The following MAML2 variants were observed in gnomAD, a reference collection of about 807,000 sequenced individuals.
MAML2 encodes mastermind like transcriptional coactivator 2.
Under a neutral mutation model 96.1 loss-of-function variants are expected in MAML2, and 22 were observed. That is an observed-to-expected ratio of 0.23 (90% CI 0.16 to 0.33). The LOEUF (loss-of-function observed/expected upper bound fraction) is 0.33, where lower values mean the gene tolerates loss of function less well. Among genes scored for constraint, MAML2 ranks in the 10% least tolerant of loss-of-function variants. The pLI is 1.00. For missense variants in MAML2, 1,367 were observed against 1,392.4 expected (o/e 0.98, Z 0.29); for synonymous variants, 561 against 521.3 (o/e 1.08, Z -1.04).
At chr11:96,284,277 T>C (rs773199074) in intron 1 of MAML2, among the ~76,000 whole-genome samples, 6 of 152,228 alleles carry the variant, frequency 3.9e-5, no homozygotes, top group Non-Finnish European at 5.9e-5. Flanking sequence ...TTCCTGAATA[T>C]GAATCCTCTC....
chr11:96,096,113 G>C (rs1859822806), intron 1 of MAML2, among the ~76,000 whole-genome samples: 1 of 152,184 alleles, frequency 6.6e-6, no homozygotes, highest in Admixed American at 6.5e-5. Context: ...AACTAGGAAA[G>C]AACAAACAAA....
chr11:96,032,220 T>C (rs905712003), intron 2 of MAML2, among the ~76,000 whole-genome samples: 4 of 152,020 alleles, frequency 2.6e-5, no homozygotes, highest in Non-Finnish European at 5.9e-5. Context: ...GTTGGCAGAT[T>C]CTTATAAAGT....
chr11:96,260,197 TG>T (rs991684593), intron 1 of MAML2, among the ~76,000 whole-genome samples: 4 of 145,270 alleles, frequency 2.8e-5, no homozygotes, highest in Non-Finnish European at 6.1e-5. Context: ...GGGGATGGGG[TG>T]GGGGGAAGCA....
intron 1 of MAML2, among the ~76,000 whole-genome samples, chr11:96,160,625 GC>G (rs1462616301): frequency 6.6e-6 from 1 of 151,936 alleles, no homozygotes; most frequent in Non-Finnish European, 1.5e-5. Flanking sequence ...ATGGGGTTTT[GC>G]CATATTGGCC....
intron 1 of MAML2, among the ~76,000 whole-genome samples, chr11:96,183,222 G>A (rs1433363429): frequency 2.6e-5 from 4 of 152,106 alleles, no homozygotes; most frequent in African/African-American, 7.2e-5. Context: ...GCCTCCCAAC[G>A]CGCTGGGATT....
chr11:96,048,518 C>T (rs187543357), intron 2 of MAML2, among the ~76,000 whole-genome samples: 3 of 152,146 alleles, frequency 2.0e-5, no homozygotes, highest in Non-Finnish European at 4.4e-5. Flanking sequence ...ATTTTTAACA[C>T]ATATAGGTAA....
chr11:96,003,560 C>A (rs544577008), intron 2 of MAML2, among the ~76,000 whole-genome samples: 1 of 152,040 alleles, frequency 6.6e-6, no homozygotes, highest in Non-Finnish European at 1.5e-5. Flanking sequence ...AGTGAGTAGA[C>A]AGCACTAGTG....
chr11:96,030,351 G>T (rs1309483548), intron 2 of MAML2, among the ~76,000 whole-genome samples: 2 of 152,074 alleles, frequency 1.3e-5, no homozygotes, highest in African/African-American at 4.8e-5. Flanking sequence ...ACCTATAACA[G>T]CCATTGTGAT....
intron 1 of MAML2, among the ~76,000 whole-genome samples, chr11:96,197,686 A>G (rs1340361131): frequency 6.6e-6 from 1 of 152,206 alleles, no homozygotes; most frequent in Non-Finnish European, 1.5e-5. Flanking sequence ...GTGTGAGGAT[A>G]CCAGACCCTA....
At chr11:96,026,821 TAAA>T (rs34892837) in intron 2 of MAML2, among the ~76,000 whole-genome samples, 265 of 134,646 alleles carry the variant, frequency 2.0e-3, no homozygotes, top group African/African-American at 5.0e-3. Flanking sequence ...GCTATGGGGT[TAAA>T]AAAAAAAAAA....
chr11:96,253,712 C>T (rs533429569), intron 1 of MAML2, among the ~76,000 whole-genome samples: 31 of 152,326 alleles, frequency 2.0e-4, no homozygotes, highest in Admixed American at 3.3e-4. Context: ...TTCATATTAT[C>T]TGACAATGGA....
At chr11:96,269,072 A>G (rs1182394267) in intron 1 of MAML2, among the ~76,000 whole-genome samples, 1 of 145,230 alleles carries the variant, frequency 6.9e-6, no homozygotes, top group African/African-American at 2.6e-5. Flanking sequence ...AATCCACTTC[A>G]TTCATATACC....
At chr11:96,263,820 A>G (rs2135975017) in intron 1 of MAML2, among the ~76,000 whole-genome samples, 1 of 152,350 alleles carries the variant, frequency 6.6e-6, no homozygotes. Context: ...TGGAGTCAAG[A>G]GACCCAAATG....
chr11:96,226,698 C>G (rs1419309495), intron 1 of MAML2, among the ~76,000 whole-genome samples: 2 of 152,122 alleles, frequency 1.3e-5, no homozygotes, highest in African/African-American at 2.4e-5. Context: ...AGTGTCAATT[C>G]TTAATTGAGC....
At chr11:96,250,101 G>T (rs1206501381) in intron 1 of MAML2, among the ~76,000 whole-genome samples, 1 of 152,022 alleles carries the variant, frequency 6.6e-6, no homozygotes, top group African/African-American at 2.4e-5. Flanking sequence ...CTTCCTGCAG[G>T]CCCGCTCTGC....
At chr11:96,207,236 C>T (rs994943603) in intron 1 of MAML2, among the ~76,000 whole-genome samples, 10 of 152,166 alleles carry the variant, frequency 6.6e-5, no homozygotes, top group African/African-American at 2.4e-4. Flanking sequence ...CAACACTGTG[C>T]TGCAAAGGAT....
At chr11:96,101,961 G>C (rs1436225809) in intron 1 of MAML2, among the ~76,000 whole-genome samples, 3 of 152,296 alleles carry the variant, frequency 2.0e-5, no homozygotes, top group East Asian at 1.9e-4. Flanking sequence ...AGCTCAAAAA[G>C]AGCTCAGAAC....
intron 2 of MAML2, among the ~76,000 whole-genome samples, chr11:96,090,733 A>G (rs1332665096): frequency 6.6e-6 from 1 of 152,242 alleles, no homozygotes; most frequent in Non-Finnish European, 1.5e-5. Flanking sequence ...TGCTTAGTGC[A>G]TAACTTTTGA....
chr11:96,244,545 AT>A (rs1862486356), intron 1 of MAML2, among the ~76,000 whole-genome samples: 1 of 152,250 alleles, frequency 6.6e-6, no homozygotes, highest in Admixed American at 6.5e-5. Flanking sequence ...ATAGCCATAT[AT>A]ATCGATTATT....
Sources: gnomAD v4.1 joint callset for allele counts (sites outside exome capture counted in the v4.1 genomes callset) on GRCh38, gnomAD v4.1.1 for gene constraint, MANE v1.5 for transcripts, NCBI Gene and HGNC (gene_info 2026-07-23, HGNC 2026-07-21) for gene names.